Variants in PLA2G4F observed in about 807,000 individuals in gnomAD.
PLA2G4F encodes phospholipase A2 group IVF, also known as cytosolic phospholipase A2 zeta.
Under a neutral mutation model 103.1 loss-of-function variants are expected in PLA2G4F, and 105 were observed. The ratio of observed to expected loss-of-function variants is 1.02; its 90% CI spans 0.87 to 1.20. The LOEUF (loss-of-function observed/expected upper bound fraction) is 1.20, where lower values mean the gene tolerates loss of function less well. Ranked by LOEUF, PLA2G4F falls within the 50% of genes most tolerant of loss-of-function variation. The pLI, the probability that PLA2G4F is intolerant of heterozygous loss-of-function variation, is 0.00. For missense variants in PLA2G4F, 1,155 were observed against 1,075.9 expected (o/e 1.07, Z -1.03); for synonymous variants, 468 against 441.1 (o/e 1.06, Z -0.76).
chr15:42,142,794 C>A, intron 18 of PLA2G4F, 80 bp from the exon 19 acceptor site: 1 of 1,416,530 alleles, frequency 7.1e-7, no homozygotes, highest in Non-Finnish European at 9.8e-7. Context: ...CACGCCCAGG[C>A]TTCAATGCCA....
chr15:42,154,787 G>A (rs372281944), intron 2 of PLA2G4F, among the ~76,000 whole-genome samples: 5 of 152,118 alleles, frequency 3.3e-5, no homozygotes, highest in Admixed American at 2.6e-4. Flanking sequence ...CCCTGAGAGC[G>A]CGTGCTGACT....
In PLA2G4F at chr15:42,152,700, G is replaced by T; in HGVS notation, c.589C>A (p.Arg197=). The stretch of plus-strand genomic sequence containing the variant: ...TGAGCAGACTCACCGTACTCTTCCC[G>T]TGGGGCTGTCCCATCTCCCCGGAGC... ...GTLRGDGTAP[R]EEYGSRQLQL... Residue 197 remains arginine (R), a synonymous_variant, in exon 7 of 20, where the codon CGG becomes AGG. Coordinates refer to ENST00000397272, the MANE Select transcript of PLA2G4F (RefSeq NM_213600.4). 1.3e-6 allele frequency: 2 copies of T among 1,556,750 alleles called. No homozygotes were observed. Among genetic ancestry groups the T allele is most frequent in the Non-Finnish European group, 8.7e-7 (1 of 1,149,512 alleles).
At chr15:42,150,883 T>C (rs2048954029) in intron 7 of PLA2G4F, 106 bp from the exon 8 acceptor site, 7 of 1,495,554 alleles carry the variant, frequency 4.7e-6, no homozygotes, top group Non-Finnish European at 5.3e-6. Context: ...TCTCTTCCCC[T>C]AGGAAATGCC....
rs1183668604 is a variant in PLA2G4F at position 42,141,714 on chromosome 15, G to C, written c.*270C>G. On this transcript the variant is annotated 3_prime_UTR_variant, in exon 20 of 20. Transcript: ENST00000397272. ...CCTGATTCTCTCCACACCCCGCTGT[G>C]AAATGAGTGCTGTTCTCTTCTGCCC... The C allele has an allele frequency of 1.7e-6, 1 of 587,272 alleles. No homozygotes were observed. The allele number at this position is 587,272 out of a possible 1,614,324, so 36.4% of individuals were successfully genotyped here. A position where few individuals can be genotyped will look rare whatever the true frequency, so the allele number is the denominator to read the frequency against.
chr15:42,153,404 C>A, intron 5 of PLA2G4F, 62 bp from the exon 6 acceptor site: 2 of 1,575,816 alleles, frequency 1.3e-6, no homozygotes, highest in South Asian at 2.2e-5. Flanking sequence ...CCTCTACAAT[C>A]ATAATGTGAC....
At position 42,145,818 on chromosome 15, in the gene PLA2G4F, G is replaced by T. The variant is rs1365894371; in HGVS notation, c.1620C>A (p.Phe540Leu). The T allele has an allele frequency of 1.2e-6, 2 of 1,614,140 alleles. No individual in the cohort carries two copies. Among genetic ancestry groups the T allele is most frequent in the Non-Finnish European group, 1.7e-6 (2 of 1,180,026 alleles). The change falls in exon 15 of 20, where the codon TTC (phenylalanine) becomes TTA (leucine). Residue 540 changes from phenylalanine to leucine, a missense_variant. Coordinates refer to ENST00000397272, the MANE Select transcript of PLA2G4F (RefSeq NM_213600.4). ...GCTGGAGCTGCAGCAATCGTCCCAT[G>T]AAGAGTTCTGAGCCGAAGAGCTCGG... Reference protein sequence around the residue: ...VPTELFGSELFMGRLLQLQPE... With the variant: ...VPTELFGSELLMGRLLQLQPE...
intron 18 of PLA2G4F, 79 bp from the exon 19 acceptor site, chr15:42,142,793 G>GC (rs2048839104): frequency 2.4e-5 from 35 of 1,431,960 alleles, no homozygotes; most frequent in Non-Finnish European, 3.2e-5. Flanking sequence ...ACACGCCCAG[G>GC]CTTCAATGCC....
chr15:42,141,410 A>T lies in PLA2G4F; in HGVS notation c.*574T>A. ...GTGATCTGGGAGGAGGCACGAGGAGACCAGAAGGCAGAAGGAGGGTTAGGA... is the reference window on the plus strand; with the variant it reads ...GTGATCTGGGAGGAGGCACGAGGAGTCCAGAAGGCAGAAGGAGGGTTAGGA... On this transcript the variant is annotated 3_prime_UTR_variant, in exon 20 of 20. Transcript: ENST00000397272. 2.2e-6 allele frequency: 1 copy of T among 455,152 alleles called. No homozygotes were observed. The allele number at this position is 455,152 out of a possible 1,614,324, so 28.2% of individuals were successfully genotyped here. A position where few individuals can be genotyped will look rare whatever the true frequency, so the allele number is the denominator to read the frequency against.
rs371871360 is a variant in PLA2G4F, at chr15:42,142,741, G to A, written c.2143-27C>T. On this transcript the variant is annotated intron_variant, in intron 18 of 19. Transcript: ENST00000397272. ...TGAGCAGGAGCAAGCCTCTGACTCT[G>A]CCTTTCCTCCACCCTGGCCACTCCC... 8.1e-6 allele frequency: 13 copies of A among 1,612,354 alleles called. 1 individual carries two copies. Among genetic ancestry groups the A allele is most frequent in the Admixed American group, 1.7e-5 (1 of 59,934 alleles).
intron 14 of PLA2G4F, 71 bp downstream of exon 14, chr15:42,146,056 G>T (rs922156107): frequency 1.3e-6 from 2 of 1,585,366 alleles, no homozygotes; most frequent in South Asian, 1.1e-5. Flanking sequence ...TGGGTACCCT[G>T]ATCACCCTGG....
intron 13 of PLA2G4F, 148 bp downstream of exon 13, chr15:42,146,976 C>G (rs1383834900): frequency 1.3e-6 from 1 of 768,742 alleles, no homozygotes; most frequent in African/African-American, 1.8e-5. Flanking sequence ...CCAGCCCACC[C>G]TGGAGTCACA....
At chr15:42,150,055 G>A (rs751942923) in intron 10 of PLA2G4F, 49 bp downstream of exon 10, 27 of 1,611,448 alleles carry the variant, frequency 1.7e-5, no homozygotes, top group African/African-American at 5.3e-5. Flanking sequence ...GTATGTCCCC[G>A]CACTTCTAGC....
chr15:42,142,733 C>CT lies in PLA2G4F; in HGVS notation c.2143-20dup. The CT allele has an allele frequency of 6.2e-7, 1 of 1,613,424 alleles. No homozygotes were observed. Among genetic ancestry groups the CT allele is most frequent in the Non-Finnish European group, 8.5e-7 (1 of 1,179,784 alleles). ...TCAAGACCTGAGCAGGAGCAAGCCT[C>CT]TGACTCTGCCTTTCCTCCACCCTGG... is the stretch of plus-strand genomic sequence containing the variant. On this transcript the variant is annotated intron_variant, in intron 18 of 19. Coordinates refer to ENST00000397272, the MANE Select transcript of PLA2G4F (RefSeq NM_213600.4).
At chr15:42,143,000 G>T (rs1467347538) in intron 18 of PLA2G4F, among the ~76,000 whole-genome samples, 1 of 151,932 alleles carries the variant, frequency 6.6e-6, no homozygotes, top group African/African-American at 2.4e-5. Context: ...CCAACATGGT[G>T]AAACCCCGTC....
At chr15:42,144,716 A>G (rs1017247665) in intron 16 of PLA2G4F, 72 bp from the exon 17 acceptor site, 141 of 1,412,716 alleles carry the variant, frequency 1.0e-4, no homozygotes, top group African/African-American at 1.2e-4. Context: ...CTTATAGTTC[A>G]GGGGTGCCCC....
chr15:42,156,347 C>T (rs770815091), intron 1 of PLA2G4F, 92 bp downstream of exon 1: 70 of 1,055,640 alleles, frequency 6.6e-5, no homozygotes, highest in Admixed American at 6.5e-4. Flanking sequence ...AACTCAAAAC[C>T]CAGGGCTGGG....
At chr15:42,151,269 C>A (rs142391258) in intron 7 of PLA2G4F, 4 of 984,934 alleles carry the variant, frequency 4.1e-6, no homozygotes, top group East Asian at 1.1e-4. Context: ...TTTGTAGAGG[C>A]GGGAGGAGGA....
chr15:42,153,303 C>CAG lies in PLA2G4F; in HGVS notation c.529_530dup (p.Val178TrpfsTer7). 1.2e-6 allele frequency: 2 copies of CAG among 1,614,178 alleles called. No homozygotes were observed. The stretch of plus-strand genomic sequence containing the variant: ...CAAGCTTGCCTTCCCCACTCACCAC[C>CAG]AGAACCCCGTTGGTGATGACTTCAG... On this transcript the variant is annotated frameshift_variant, in exon 6 of 20. Coordinates refer to ENST00000397272, the MANE Select transcript of PLA2G4F (RefSeq NM_213600.4). LOFTEE classifies it high-confidence loss of function.
chr15:42,145,027 C>A (rs1365577984), intron 16 of PLA2G4F, among the ~76,000 whole-genome samples: 1 of 152,170 alleles, frequency 6.6e-6, no homozygotes, highest in Non-Finnish European at 1.5e-5. Flanking sequence ...CCTGGCCCTC[C>A]CAGGTGCACG....
Sources: allele counts gnomAD v4.1 joint callset (sites outside exome capture counted in the v4.1 genomes callset), GRCh38; gene constraint gnomAD v4.1.1; transcripts MANE v1.5; gene names NCBI Gene and HGNC (gene_info 2026-07-23, HGNC 2026-07-21).